ACP7: variants seen among roughly 807,000 people sequenced by gnomAD.
The protein encoded by ACP7 is acid phosphatase 7, tartrate resistant (putative), also known as acid phosphatase type 7.
Under a neutral mutation model 60.6 loss-of-function variants are expected in ACP7, and 58 were observed. That is an observed-to-expected ratio of 0.96 (90% CI 0.77 to 1.19). ACP7 has a LOEUF of 1.19. ACP7 is among the 50% of genes most tolerant of loss of function. The pLI, the probability that ACP7 is intolerant of heterozygous loss-of-function variation, is 0.00. For synonymous variants in ACP7, 237 were observed against 232.6 expected (o/e 1.02, Z -0.17); for missense variants, 574 against 596.2 (o/e 0.96, Z 0.39).
At chr19:39,100,101 T>A in intron 4 of ACP7, 126 bp from the exon 5 acceptor site, 1 of 1,336,966 alleles carries the variant, frequency 7.5e-7, no homozygotes, top group Non-Finnish European at 1.0e-6. Flanking sequence ...GCTCAAGTGA[T>A]ACTCTTGCCT....
rs2073128898 is a variant in ACP7, at chr19:39,085,337, G to A, written c.68G>A (p.Gly23Glu). 2 of 1,613,580 alleles carry A rather than the reference G, an allele frequency of 1.2e-6. No homozygotes were observed. Among genetic ancestry groups the A allele is most frequent in the Non-Finnish European group, 1.7e-6 (2 of 1,179,754 alleles). The change falls in exon 2 of 13, where the codon GGG (glycine) becomes GAG (glutamate). Residue 23 changes from glycine (G) to glutamate (E), a missense_variant. Transcript: ENST00000331256. ...LLLLFSLGVQ[G>E]SLGAPSAAPE... Reference sequence around the variant, plus strand: ...CTGCTATTCTCCTTGGGAGTCCAGGGGTCCCTGGGGGCTCCCAGCGCTGCC... The same window carrying A: ...CTGCTATTCTCCTTGGGAGTCCAGGAGTCCCTGGGGGCTCCCAGCGCTGCC...
intron 11 of ACP7, among the ~76,000 whole-genome samples, chr19:39,102,838 T>C (rs1019426881): frequency 3.3e-5 from 5 of 150,270 alleles, no homozygotes; most frequent in Non-Finnish European, 7.4e-5. Context: ...TCCTTCCTTC[T>C]TTCTTTCTTT....
In ACP7 at chr19:39,099,285, G is replaced by T. The variant is rs577628473; in HGVS notation, c.505+143G>T. ...GGGCTGGGGCCAGTGTGTCTCTGAA[G>T]GGACAGGGGATGAGACTGGCTACGG... On this transcript the variant is annotated intron_variant, in intron 4 of 12. Transcript: ENST00000331256. 168 of 1,002,910 alleles carry T rather than the reference G, an allele frequency of 1.7e-4. 1 individual carries two copies. In the African/African-American group the frequency reaches 2.3e-3, roughly 13 times the overall value. 62.1% of individuals were successfully genotyped at this position (1,002,910 alleles called of 1,614,324 possible). A position where few individuals can be genotyped will look rare whatever the true frequency, so the allele number is the denominator to read the frequency against.
intron 12 of ACP7, among the ~76,000 whole-genome samples, chr19:39,108,014 G>A (rs554027935): frequency 2.0e-5 from 3 of 152,084 alleles, no homozygotes; most frequent in Non-Finnish European, 4.4e-5. Context: ...TCTCGCCTCT[G>A]TACTCCAGCC....
At position 39,107,097 on chromosome 19, in the gene ACP7, C is replaced by G. The variant is rs767424517; in HGVS notation, c.1251+13C>G. ...GTCGGACGACCAGGTCAGTGAGGGGCAGGCCGAAGTCACCTGACTGTACAG... is the reference window on the plus strand; with the variant it reads ...GTCGGACGACCAGGTCAGTGAGGGGGAGGCCGAAGTCACCTGACTGTACAG... On this transcript the variant is annotated intron_variant, in intron 12 of 12. Coordinates refer to ENST00000331256, the MANE Select transcript of ACP7 (RefSeq NM_001004318.3). 1.9e-6 allele frequency: 3 copies of G among 1,613,124 alleles called. No homozygotes were observed. In the East Asian group the frequency reaches 6.7e-5, roughly 36 times the overall value.
intron 12 of ACP7, among the ~76,000 whole-genome samples, chr19:39,108,411 G>T (rs1195990156): frequency 1.3e-5 from 2 of 152,086 alleles, no homozygotes; most frequent in African/African-American, 4.8e-5. Context: ...AAAGTGCTGG[G>T]ATTACAGGTG....
intron 12 of ACP7, among the ~76,000 whole-genome samples, chr19:39,109,163 A>G (rs2073442023): frequency 6.6e-6 from 1 of 152,102 alleles, no homozygotes; most frequent in Non-Finnish European, 1.5e-5. Context: ...ACAGGAGTGG[A>G]TTTCCTCTCC....
intron 11 of ACP7, among the ~76,000 whole-genome samples, chr19:39,104,961 C>T (rs1425538555): frequency 1.3e-5 from 2 of 152,140 alleles, no homozygotes; most frequent in African/African-American, 2.4e-5. Flanking sequence ...CAAGGACTTT[C>T]CATATCCACT....
At position 39,097,611 on chromosome 19, in the gene ACP7, G is replaced by A. The variant is rs145356102; in HGVS notation, c.122-847G>A. 4.0e-4 allele frequency among the ~76,000 whole-genome samples: 61 copies of A among 150,992 alleles called. No homozygotes were observed. In the East Asian group the frequency reaches 6.9e-3, roughly 17 times the overall value. ...CAATAGCTTTGCTGGTACTGGGCCC[G>A]TTTCCTGCTTGCTTTGTGGCTATTG... On this transcript the variant is annotated intron_variant, in intron 2 of 12. Transcript: ENST00000331256.
rs1468060689 is a variant in ACP7 at position 39,101,553 on chromosome 19, G to T, written c.1113+16G>T. Reference sequence around the variant, plus strand: ...AGGATCTGCTGTGAGCAGGGGGAAGGGTGGCTTTGCCTTCTCTCTCTATTC... The same window carrying T: ...AGGATCTGCTGTGAGCAGGGGGAAGTGTGGCTTTGCCTTCTCTCTCTATTC... On this transcript the variant is annotated intron_variant, in intron 11 of 12. Coordinates refer to ENST00000331256, the MANE Select transcript of ACP7 (RefSeq NM_001004318.3). 2 of 1,611,832 alleles carry T rather than the reference G, an allele frequency of 1.2e-6. No homozygotes were observed. The highest frequency in any genetic ancestry group is 1.7e-4 in the Middle Eastern group (1 of 6,058).
chr19:39,084,821 G>A (rs904629292), intron 1 of ACP7, among the ~76,000 whole-genome samples: 44 of 152,006 alleles, frequency 2.9e-4, no homozygotes, highest in Admixed American at 5.9e-4. Flanking sequence ...CACTGAGAGT[G>A]AGCTCTGGTT....
At chr19:39,095,227 G>A (rs191041759) in intron 2 of ACP7, among the ~76,000 whole-genome samples, 196 of 152,280 alleles carry the variant, frequency 1.3e-3, no homozygotes, top group African/African-American at 4.4e-3. Flanking sequence ...AGTCTCATCT[G>A]AGGCAAGTCA....
At chr19:39,107,114 A>G (rs1280385307) in intron 12 of ACP7, 30 bp downstream of exon 12, 1 of 1,611,682 alleles carries the variant, frequency 6.2e-7, no homozygotes. Context: ...AAGTCACCTG[A>G]CTGTACAGCC....
intron 2 of ACP7, among the ~76,000 whole-genome samples, chr19:39,089,297 G>A (rs1412668694): frequency 6.6e-6 from 1 of 151,300 alleles, no homozygotes; most frequent in Non-Finnish European, 1.5e-5. Flanking sequence ...TGAACTCCTG[G>A]CCTCAAGTGA....
chr19:39,087,913 C>G (rs1048154257), intron 2 of ACP7, among the ~76,000 whole-genome samples: 5 of 151,932 alleles, frequency 3.3e-5, no homozygotes, highest in African/African-American at 1.2e-4. Flanking sequence ...GGATTACAGG[C>G]GTGAGCCACC....
chr19:39,098,504 C>G lies in ACP7; in HGVS notation c.168C>G (p.Thr56=). 1 of 1,606,460 alleles carries G rather than the reference C, an allele frequency of 6.2e-7. No homozygotes were observed. Among genetic ancestry groups the G allele is most frequent in the Non-Finnish European group, 8.5e-7 (1 of 1,176,936 alleles). Reference sequence around the variant, plus strand: ...TAACTTGGACCACATGGGTCCCAACCCGCTCTGAAGTGCAATTCGGGTTGC... The same window carrying G: ...TAACTTGGACCACATGGGTCCCAACGCGCTCTGAAGTGCAATTCGGGTTGC... ...MTVTWTTWVP[T]RSEVQFGLQP... The change falls in exon 3 of 13, where the codon ACC becomes ACG. Residue 56 remains threonine (T), a synonymous_variant. Coordinates refer to ENST00000331256, the MANE Select transcript of ACP7 (RefSeq NM_001004318.3).
At chr19:39,093,499 C>A (rs2073234046) in intron 2 of ACP7, among the ~76,000 whole-genome samples, 1 of 152,190 alleles carries the variant, frequency 6.6e-6, no homozygotes, top group East Asian at 1.9e-4. Context: ...AGTGACCCAC[C>A]TTCCTGAGCC....
At chr19:39,109,971 G>C in intron 12 of ACP7, 82 bp from the exon 13 acceptor site, 2 of 1,385,168 alleles carry the variant, frequency 1.4e-6, no homozygotes, top group Non-Finnish European at 2.0e-6. Context: ...AGAGGGCAGA[G>C]AGGGGACTGG....
Position 39,101,527 on chromosome 19 carries a change from C to G in ACP7, c.1103C>G (p.Thr368Arg), listed in dbSNP as rs1308504473. ...CCGCGAGGGCCTGTCCACATCATCA[C>G]AGGATCTGCTGTGAGCAGGGGGAAG... The part of the protein sequence containing the change: ...TNPRGPVHII[T>R]GSAGCEERLT... Residue 368 changes from threonine (T) to arginine (R), a missense_variant, in exon 11 of 13, where the codon ACA (threonine) becomes AGA (arginine). Thr to Arg is a moderately conservative substitution (Grantham distance 71). Transcript: ENST00000331256. The G allele has an allele frequency of 6.2e-7, 1 of 1,614,000 alleles. No homozygotes were observed. Among genetic ancestry groups the G allele is most frequent in the Non-Finnish European group, 8.5e-7 (1 of 1,179,974 alleles).
Sources: gnomAD v4.1 joint callset for allele counts (sites outside exome capture counted in the v4.1 genomes callset) on GRCh38, gnomAD v4.1.1 for gene constraint, MANE v1.5 for transcripts, NCBI Gene and HGNC (gene_info 2026-07-23, HGNC 2026-07-21) for gene names.